Variants in ANKRD12 observed in about 807,000 individuals in gnomAD.
ANKRD12 encodes ankyrin repeat domain-containing protein 12.
In ANKRD12, 85 loss-of-function variants were observed where a neutral mutation model predicts 183.4. The observed-to-expected ratio is 0.46, with a 90% confidence interval of 0.39 to 0.56. ANKRD12 has a LOEUF of 0.56. ANKRD12 is among the 20% of genes least tolerant of loss of function. The pLI, the probability that ANKRD12 is intolerant of heterozygous loss-of-function variation, is 0.00. For missense variants in ANKRD12, 2,405 were observed against 2,357.1 expected (o/e 1.02, Z -0.42); for synonymous variants, 914 against 800.2 (o/e 1.14, Z -2.40).
intron 5 of ANKRD12, among the ~76,000 whole-genome samples, chr18:9,210,273 A>G (rs554129718): frequency 3.3e-5 from 5 of 152,206 alleles, no homozygotes; most frequent in Non-Finnish European, 5.9e-5. Context: ...ATTAAAATTT[A>G]TTCATTCAAC....
chr18:9,238,791 A>G (rs1303748753), intron 8 of ANKRD12, among the ~76,000 whole-genome samples: 1 of 152,252 alleles, frequency 6.6e-6, no homozygotes, highest in Non-Finnish European at 1.5e-5. Flanking sequence ...TAAAGATCAT[A>G]ATAGCTGAAA....
intron 3 of ANKRD12, among the ~76,000 whole-genome samples, chr18:9,196,313 C>G (rs1240270669): frequency 6.6e-6 from 1 of 151,982 alleles, no homozygotes; most frequent in Admixed American, 6.6e-5. Flanking sequence ...CAGCCAATCC[C>G]AGTTATTCAT....
intron 1 of ANKRD12, among the ~76,000 whole-genome samples, chr18:9,149,596 C>T (rs1219249069): frequency 1.3e-5 from 2 of 151,982 alleles, no homozygotes; most frequent in Non-Finnish European, 2.9e-5. Flanking sequence ...TTTTTACTTT[C>T]CTAATTTCCT....
chr18:9,168,667 C>T (rs1255697749), intron 1 of ANKRD12, among the ~76,000 whole-genome samples: 1 of 152,072 alleles, frequency 6.6e-6, no homozygotes, highest in Non-Finnish European at 1.5e-5. Context: ...TTTCAGAAAA[C>T]CAGCTCCTGG....
Position 9,205,979 on chromosome 18 carries a change from T to C in ANKRD12, c.304+1435T>C, listed in dbSNP as rs763728541. On this transcript the variant is annotated intron_variant, in intron 4 of 12. Coordinates refer to ENST00000262126, the MANE Select transcript of ANKRD12 (RefSeq NM_015208.5). ...AACACTTAATTGGGATGTGAAGATG[T>C]TGAGCTTTCTATTTATTCTGGCAAG... is the stretch of plus-strand genomic sequence containing the variant. Among the ~76,000 whole-genome samples the C allele has an allele frequency of 1.9e-3, 296 of 152,244 alleles. 2 individuals carry two copies. Among genetic ancestry groups the C allele is most frequent in the Non-Finnish European group, 8.2e-4 (56 of 67,990 alleles).
At chr18:9,152,290 G>A (rs1227722455) in intron 1 of ANKRD12, among the ~76,000 whole-genome samples, 1 of 152,164 alleles carries the variant, frequency 6.6e-6, no homozygotes, top group Non-Finnish European at 1.5e-5. Context: ...TTATCCTATA[G>A]GGAAAATAAA....
chr18:9,224,176 G>A (rs1157381132), intron 8 of ANKRD12, among the ~76,000 whole-genome samples: 2 of 152,018 alleles, frequency 1.3e-5, no homozygotes, highest in Non-Finnish European at 1.5e-5. Flanking sequence ...GTAAGAAAAT[G>A]GATAGAACCA....
intron 8 of ANKRD12, among the ~76,000 whole-genome samples, chr18:9,239,950 C>T (rs948970198): frequency 2.6e-5 from 4 of 152,198 alleles, no homozygotes; most frequent in Admixed American, 2.6e-4. Context: ...TTTCCATTAA[C>T]TGTTTGTTAC....
chr18:9,255,877 G>A lies in ANKRD12; in HGVS notation c.2610G>A (p.Lys870=). The A allele has an allele frequency of 1.3e-6, 2 of 1,593,638 alleles. No homozygotes were observed. The highest frequency in any genetic ancestry group is 1.7e-6 in the Non-Finnish European group (2 of 1,174,196). The change falls in exon 9 of 13, where the codon AAG becomes AAA. Residue 870 remains lysine, a synonymous_variant. Transcript: ENST00000262126. ...LSECVDKIKE[K]DKLYSHHTEK... ...AATGTGTTGATAAAATAAAAGAAAA[G>A]GACAAGCTATATTCGCATCACACAG... is the stretch of plus-strand genomic sequence containing the variant.
At position 9,176,073 on chromosome 18, in the gene ANKRD12, T is replaced by A. The variant is rs148811603; in HGVS notation, c.-51-6309T>A. ...TATCTGTGTATCATTGCTGTTGTCT[T>A]GAGTTGTGTTTTTTGATTCTGCTGG... On this transcript the variant is annotated intron_variant, in intron 1 of 12. Coordinates refer to ENST00000262126, the MANE Select transcript of ANKRD12 (RefSeq NM_015208.5). Among the ~76,000 whole-genome samples the A allele has an allele frequency of 6.6e-5, 10 of 152,330 alleles. No homozygotes were observed. In the East Asian group the frequency reaches 1.9e-3, roughly 29 times the overall value.
chr18:9,258,939 ACAT>A lies in ANKRD12; in HGVS notation c.5664+14_5664+16del. On this transcript the variant is annotated intron_variant, in intron 9 of 12. Coordinates refer to ENST00000262126, the MANE Select transcript of ANKRD12 (RefSeq NM_015208.5). ...AAGATTTGTATTCCCACAGTAAGTAACATCATCACTTGCTATACACCTGTAACA... is the reference window on the plus strand; with the variant it reads ...AAGATTTGTATTCCCACAGTAAGTAACATCACTTGCTATACACCTGTAACA... 6.3e-7 allele frequency: 1 copy of A among 1,592,726 alleles called. No homozygotes were observed. The highest frequency in any genetic ancestry group is 8.6e-7 in the Non-Finnish European group (1 of 1,169,360).
chr18:9,197,271 CT>C (rs914197193), intron 3 of ANKRD12, among the ~76,000 whole-genome samples: 2 of 152,154 alleles, frequency 1.3e-5, no homozygotes, highest in African/African-American at 2.4e-5. Flanking sequence ...GTTATATACA[CT>C]TTTCCCCCTT....
rs550462998 is a variant in ANKRD12 at position 9,189,065 on chromosome 18, A to G, written c.88-6486A>G. ...CTAGGCCTCTTGTGCCAGTTAACCA[A>G]GAGAGGAATGCCAAGGAAAAGTTCT... is the stretch of plus-strand genomic sequence containing the variant. On this transcript the variant is annotated intron_variant, in intron 2 of 12. Coordinates refer to ENST00000262126, the MANE Select transcript of ANKRD12 (RefSeq NM_015208.5). Among the ~76,000 whole-genome samples the G allele has an allele frequency of 5.3e-5, 8 of 152,268 alleles. 1 individual carries two copies. The South Asian group carries it at 1.7e-3, about 32-fold the overall frequency.
At chr18:9,240,509 C>T (rs2037600627) in intron 8 of ANKRD12, among the ~76,000 whole-genome samples, 2 of 152,166 alleles carry the variant, frequency 1.3e-5, no homozygotes, top group Non-Finnish European at 2.9e-5. Context: ...ACACCCCTCC[C>T]GCATACTTAC....
At chr18:9,155,148 C>T (rs561330731) in intron 1 of ANKRD12, among the ~76,000 whole-genome samples, 12 of 152,262 alleles carry the variant, frequency 7.9e-5, no homozygotes, top group African/African-American at 2.9e-4. Context: ...AAGAAAGTTG[C>T]TTCTTGGAGA....
In ANKRD12 at chr18:9,284,411, A is replaced by C. The variant is rs1368637085; in HGVS notation, c.*3285A>C. ...TCCAAAAAGAAAATTATTGTCTCTG[A>C]TATCTTAAAACATAAAAACCCAAAA... On this transcript the variant is annotated 3_prime_UTR_variant, in exon 13 of 13. Coordinates refer to ENST00000262126, the MANE Select transcript of ANKRD12 (RefSeq NM_015208.5). The C allele has an allele frequency of 1.3e-5, 2 of 152,218 alleles. No homozygotes were observed. The highest frequency in any genetic ancestry group is 2.9e-5 in the Non-Finnish European group (2 of 68,036). 9.4% of individuals were successfully genotyped at this position (152,218 alleles called of 1,614,324 possible). A position where few individuals can be genotyped will look rare whatever the true frequency, so the allele number is the denominator to read the frequency against.
At chr18:9,174,954 AT>A (rs2033126741) in intron 1 of ANKRD12, among the ~76,000 whole-genome samples, 2 of 148,928 alleles carry the variant, frequency 1.3e-5, no homozygotes, top group South Asian at 2.2e-4. Flanking sequence ...TTATTTATTT[AT>A]TTAATTTGTT....
chr18:9,168,527 C>G (rs980235590), intron 1 of ANKRD12, among the ~76,000 whole-genome samples: 2 of 152,150 alleles, frequency 1.3e-5, no homozygotes, highest in African/African-American at 4.8e-5. Flanking sequence ...ATAGTATTCT[C>G]TGATAGTAGT....
chr18:9,157,546 T>G (rs926289063), intron 1 of ANKRD12, among the ~76,000 whole-genome samples: 1 of 128,218 alleles, frequency 7.8e-6, no homozygotes, highest in Non-Finnish European at 1.6e-5. Flanking sequence ...TTATGGTGTG[T>G]GTGGGTGTGT....
Sources: gnomAD v4.1 joint callset for allele counts (sites outside exome capture counted in the v4.1 genomes callset) on GRCh38, gnomAD v4.1.1 for gene constraint, MANE v1.5 for transcripts, NCBI Gene and HGNC (gene_info 2026-07-23, HGNC 2026-07-21) for gene names.